The following IGDCC4 variants were observed in gnomAD, a reference collection of about 807,000 sequenced individuals.
IGDCC4 encodes likely ortholog of mouse neighbor of Punc E11.
Under a neutral mutation model 116.6 loss-of-function variants are expected in IGDCC4, and 72 were observed. The ratio of observed to expected loss-of-function variants is 0.62; its 90% CI spans 0.51 to 0.75. IGDCC4 has a LOEUF of 0.75. Ranked by LOEUF, IGDCC4 falls within the 30% of genes least tolerant of loss-of-function variation. The pLI, the probability that IGDCC4 is intolerant of heterozygous loss-of-function variation, is 0.00. For synonymous variants in IGDCC4, 709 were observed against 719.9 expected, an observed-to-expected ratio of 0.98 and a Z score of 0.24; for missense variants, 1,501 against 1,662.4, an observed-to-expected ratio of 0.90 and a Z score of 1.69.
At chr15:65,398,255 C>T (rs748921990) in intron 5 of IGDCC4, among the ~76,000 whole-genome samples, 9 of 152,040 alleles carry the variant, frequency 5.9e-5, no homozygotes, top group South Asian at 4.2e-4. Context: ...ACAAAACAGC[C>T]GGACACAGTG....
In IGDCC4 at chr15:65,394,400, C is replaced by T. The variant is rs200094447; in HGVS notation, c.1714+11G>A. 2.5e-6 allele frequency: 4 copies of T among 1,613,732 alleles called. No individual in the cohort carries two copies. Among genetic ancestry groups the T allele is most frequent in the East Asian group, 2.2e-5 (1 of 44,874 alleles). On this transcript the variant is annotated intron_variant, in intron 9 of 19. Coordinates refer to ENST00000352385, the MANE Select transcript of IGDCC4 (RefSeq NM_020962.3). ...CCCATACATGCCTGCAGCCCACCCACCCCCACTCACCTTCCTTTCCCAAAC... is the reference window on the plus strand; with the variant it reads ...CCCATACATGCCTGCAGCCCACCCATCCCCACTCACCTTCCTTTCCCAAAC...
intron 1 of IGDCC4, among the ~76,000 whole-genome samples, chr15:65,422,206 T>C (rs1017161146): frequency 2.6e-5 from 4 of 151,604 alleles, no homozygotes; most frequent in Admixed American, 2.6e-4. Flanking sequence ...CAAAGTTGAG[T>C]GTTGTTTTAT....
At chr15:65,422,093 G>A (rs1595799484) in intron 1 of IGDCC4, among the ~76,000 whole-genome samples, 1 of 151,924 alleles carries the variant, frequency 6.6e-6, no homozygotes, top group African/African-American at 2.4e-5. Flanking sequence ...GAAAGCAAAT[G>A]GTTTCCTGCC....
At chr15:65,398,470 G>T (rs961453839) in intron 5 of IGDCC4, among the ~76,000 whole-genome samples, 5 of 142,478 alleles carry the variant, frequency 3.5e-5, no homozygotes, top group South Asian at 2.3e-4. Context: ...GGAGGCGAAG[G>T]TTGCAGTAAG....
chr15:65,385,154 C>A, intron 18 of IGDCC4, 39 bp from the exon 19 acceptor site: 2 of 1,526,968 alleles, frequency 1.3e-6, no homozygotes, highest in Non-Finnish European at 1.7e-6. Context: ...GGGGCACGAC[C>A]AGGATTGGCT....
At chr15:65,410,825 C>T (rs1013388192) in intron 2 of IGDCC4, 195 bp downstream of exon 2, 24 of 587,310 alleles carry the variant, frequency 4.1e-5, no homozygotes, top group African/African-American at 2.2e-4. Flanking sequence ...GGAGAAGAAG[C>T]GGGAAGATTA....
Position 65,410,322 on chromosome 15 carries a change from G to A in IGDCC4, c.422-3C>T, listed in dbSNP as rs748884341. The A allele has an allele frequency of 6.8e-6, 11 of 1,613,882 alleles. No homozygotes were observed. Among genetic ancestry groups the A allele is most frequent in the Non-Finnish European group, 7.6e-6 (9 of 1,179,996 alleles). ...GTGCAGAGAGAAGTCTGCGAGTGCTGGGGACAGTGAGACACAGGCAGGGAC... is the reference window on the plus strand; with the variant it reads ...GTGCAGAGAGAAGTCTGCGAGTGCTAGGGACAGTGAGACACAGGCAGGGAC... On this transcript the variant is annotated splice_region_variant and splice_polypyrimidine_tract_variant and intron_variant, in intron 2 of 19. Coordinates refer to ENST00000352385, the MANE Select transcript of IGDCC4 (RefSeq NM_020962.3).
Position 65,395,915 on chromosome 15 carries a change from C to T in IGDCC4, c.1246G>A (p.Ala416Thr). The part of the protein sequence containing the change: ...VAENSAGMAC[A>T]AASLAVVVRE... ...ACCACCACGGCCAGCGACGCGGCAG[C>T]GCACGCCATTCCCGCGCTGTTCTCA... is the stretch of plus-strand genomic sequence containing the variant. The change falls in exon 7 of 20, where the codon GCT becomes ACT. Residue 416 changes from alanine to threonine, a missense_variant. Ala to Thr is a moderately conservative substitution (Grantham distance 58). Coordinates refer to ENST00000352385, the MANE Select transcript of IGDCC4 (RefSeq NM_020962.3). 6.3e-7 allele frequency: 1 copy of T among 1,590,478 alleles called. No homozygotes were observed. The highest frequency in any genetic ancestry group is 1.3e-5 in the African/African-American group (1 of 74,568).
chr15:65,398,533 CA>C (rs3082803), intron 5 of IGDCC4, among the ~76,000 whole-genome samples: 3,007 of 77,532 alleles, frequency 0.039, 48 homozygotes, highest in African/African-American at 0.082. Flanking sequence ...AACTCCATCT[CA>C]AAAAAAAAAA....
intron 3 of IGDCC4, among the ~76,000 whole-genome samples, chr15:65,403,038 T>A (rs2063005380): frequency 6.6e-6 from 1 of 152,112 alleles, no homozygotes; most frequent in African/African-American, 2.4e-5. Flanking sequence ...TATCTCAACA[T>A]CAAAACTTCT....
At position 65,393,499 on chromosome 15, in the gene IGDCC4, C is replaced by T. The variant is rs771738093; in HGVS notation, c.1747G>A (p.Glu583Lys). Residue 583 changes from glutamate to lysine, a missense_variant, in exon 10 of 20, where the codon GAG becomes AAG. Glu to Lys is a moderately conservative substitution (Grantham distance 56). Coordinates refer to ENST00000352385, the MANE Select transcript of IGDCC4 (RefSeq NM_020962.3). This position sits in a 1 kb window ranked among gnomAD's most constrained non-coding sequence, Gnocchi z 4.6. ...AGCGAGTTCAGCATAAGCTGTGTCTCATTTCCTCGCACCTCAGTAGAGAAA... is the reference window on the plus strand; with the variant it reads ...AGCGAGTTCAGCATAAGCTGTGTCTTATTTCCTCGCACCTCAGTAGAGAAA... ...QIFSTEVRGNETQLMLNSLQP... is the reference protein window; with the variant it reads ...QIFSTEVRGNKTQLMLNSLQP... The T allele has an allele frequency of 1.3e-5, 21 of 1,607,286 alleles. No homozygotes were observed. The highest frequency in any genetic ancestry group is 1.8e-5 in the Non-Finnish European group (21 of 1,176,198).
chr15:65,395,083 A>G lies in IGDCC4; in HGVS notation c.1576+11T>C, dbSNP rs780644996. On this transcript the variant is annotated intron_variant, in intron 8 of 19. Coordinates refer to ENST00000352385, the MANE Select transcript of IGDCC4 (RefSeq NM_020962.3). ...ACCCCAAGCTGCCCACTGCGAGTTCAGAGGCCCTACCATCATCCAGTGTGT... is the reference window on the plus strand; with the variant it reads ...ACCCCAAGCTGCCCACTGCGAGTTCGGAGGCCCTACCATCATCCAGTGTGT... 1.3e-5 allele frequency: 21 copies of G among 1,592,894 alleles called. No homozygotes were observed. Among genetic ancestry groups the G allele is most frequent in the Non-Finnish European group, 1.6e-5 (19 of 1,163,738 alleles).
intron 18 of IGDCC4, 150 bp downstream of exon 18, chr15:65,385,681 A>G: frequency 1.4e-6 from 1 of 737,412 alleles, no homozygotes; most frequent in South Asian, 1.5e-5. Flanking sequence ...CCTGACAGCC[A>G]ACCATTCCGT....
chr15:65,420,631 C>G (rs566429160), intron 1 of IGDCC4, among the ~76,000 whole-genome samples: 1 of 152,246 alleles, frequency 6.6e-6, no homozygotes, highest in South Asian at 2.1e-4. Flanking sequence ...ATGCTTCCCT[C>G]ACCTGCCCCC....
At chr15:65,388,203 C>G (rs932968067) in intron 16 of IGDCC4, among the ~76,000 whole-genome samples, 1 of 150,058 alleles carries the variant, frequency 6.7e-6, no homozygotes, top group Non-Finnish European at 1.5e-5. Context: ...GAGATTGCGC[C>G]ATTGCACTCT....
At chr15:65,395,513 A>T (rs1412888084) in intron 7 of IGDCC4, among the ~76,000 whole-genome samples, 3 of 152,106 alleles carry the variant, frequency 2.0e-5, no homozygotes, top group Admixed American at 2.0e-4. Flanking sequence ...GGCTCCAGGA[A>T]CGTCCTCTCC....
At chr15:65,413,799 G>A (rs551610806) in intron 1 of IGDCC4, among the ~76,000 whole-genome samples, 2 of 152,320 alleles carry the variant, frequency 1.3e-5, no homozygotes, top group South Asian at 2.1e-4. Flanking sequence ...ACGTGGGGAC[G>A]TGCACAAAAC....
intron 1 of IGDCC4, among the ~76,000 whole-genome samples, chr15:65,413,486 G>A (rs1449709066): frequency 6.6e-6 from 1 of 152,150 alleles, no homozygotes; most frequent in Non-Finnish European, 1.5e-5. Flanking sequence ...GTAGAGGAAG[G>A]GAATGCCATC....
Position 65,395,897 on chromosome 15 carries a change from CG to C in IGDCC4, c.1263del (p.Val422TrpfsTer19). ...CTGGGCAGCCCCTCGCGCACCACCA[CG>C]GCCAGCGACGCGGCAGCGCACGCCA... ...AGMACAAASL[A>X]VVVREGLPSA... On this transcript the variant is annotated frameshift_variant, in exon 7 of 20. Transcript: ENST00000352385. LOFTEE classifies it high-confidence loss of function. 1 of 1,589,504 alleles carries C rather than the reference CG, an allele frequency of 6.3e-7. No individual in the cohort carries two copies. Among genetic ancestry groups the C allele is most frequent in the Non-Finnish European group, 8.5e-7 (1 of 1,174,890 alleles).
Sources: gnomAD v4.1 joint callset for allele counts (sites outside exome capture counted in the v4.1 genomes callset) on GRCh38, gnomAD v4.1.1 for gene constraint, Gnocchi (gnomAD v3.1) non-coding constraint, MANE v1.5 for transcripts, NCBI Gene and HGNC (gene_info 2026-07-23, HGNC 2026-07-21) for gene names.